The following PTPN23 variants were observed in gnomAD, a reference collection of about 807,000 sequenced individuals.
PTPN23 encodes the protein protein tyrosine phosphatase non-receptor type 23, also known as tyrosine-protein phosphatase non-receptor type 23.
A neutral mutation model predicts 156.3 loss-of-function variants in PTPN23; 72 were observed. The observed-to-expected ratio is 0.46, with a 90% CI of 0.38 to 0.56. The LOEUF is 0.56. PTPN23 is among the 20% of genes least tolerant of loss of function. The pLI, the probability that PTPN23 is intolerant of heterozygous loss-of-function variation, is 0.00. For synonymous variants in PTPN23, 957 were observed against 899.6 expected (o/e 1.06, Z -1.14); for missense variants, 1,974 against 2,171.5 (o/e 0.91, Z 1.81).
intron 14 of PTPN23, 135 bp from the exon 15 acceptor site, chr3:47,408,210 G>T (rs760387003): frequency 2.5e-5 from 32 of 1,260,110 alleles, no homozygotes; most frequent in Non-Finnish European, 3.4e-5. Context: ...AGACCTGGTA[G>T]TAGGGGTCCG....
Position 47,389,279 on chromosome 3 carries a change from C to T in PTPN23, c.85-6864C>T, listed in dbSNP as rs574289711. 8.5e-5 allele frequency among the ~76,000 whole-genome samples: 13 copies of T among 152,292 alleles called. No individual in the cohort carries two copies. The South Asian group carries it at 2.5e-3, about 29-fold the overall frequency. ...ATCCTTATGACAGCTCTGAGCTAGA[C>T]GTAGCAAGTGATATTAACCCCATTT... On this transcript the variant is annotated intron_variant, in intron 1 of 24. Transcript: ENST00000265562.
Position 47,410,010 on chromosome 3 carries a change from G to A in PTPN23, c.2212G>A (p.Ala738Thr), listed in dbSNP as rs749891455. 1.9e-6 allele frequency: 3 copies of A among 1,607,596 alleles called. No individual in the cohort carries two copies. The South Asian group carries it at 3.3e-5, about 18-fold the overall frequency. ...PRREESEAVE[A>T]GDPPEELRSL... ...CAGGGAGGAGAGTGAGGCAGTGGAA[G>A]CAGGAGACCCCCCTGAGGAGCTGCG... Residue 738 changes from alanine (A) to threonine (T), a missense_variant, in exon 20 of 25, where the codon GCA (alanine) becomes ACA (threonine). Physicochemically the swap from Ala to Thr is moderately conservative, Grantham distance 58. Around this residue, in one of 4 missense-constraint regions of PTPN23, gnomAD observed 731 missense variants for 669.1 expected, o/e 1.09. Transcript: ENST00000265562.
At chr3:47,382,533 C>G (rs1427864043) in intron 1 of PTPN23, among the ~76,000 whole-genome samples, 1 of 151,832 alleles carries the variant, frequency 6.6e-6, no homozygotes, top group Non-Finnish European at 1.5e-5. Context: ...GTTGGTCAGA[C>G]TGGTCTCGAA....
Position 47,412,932 on chromosome 3 carries a change from C to T in PTPN23, c.4658C>T (p.Pro1553Leu). Residue 1553 changes from proline (P) to leucine (L), a missense_variant, in exon 25 of 25, where the codon CCT becomes CTT. By Grantham distance (98) the Pro-to-Leu change is moderately conservative (BLOSUM62 -3). Transcript: ENST00000265562. Reference sequence around the variant, plus strand: ...CCGCCCCCCCTTTCCTCCCCACTACCTGAGGCTCCCCAGCCTAAGGAGGAG... The same window carrying T: ...CCGCCCCCCCTTTCCTCCCCACTACTTGAGGCTCCCCAGCCTAAGGAGGAG... The part of the protein sequence containing the change: ...SSPPPLSSPL[P>L]EAPQPKEEPP... 6.2e-7 allele frequency: 1 copy of T among 1,604,604 alleles called. No individual in the cohort carries two copies. The highest frequency in any genetic ancestry group is 2.2e-5 in the East Asian group (1 of 44,474).
intron 1 of PTPN23, among the ~76,000 whole-genome samples, chr3:47,385,640 G>A (rs1304171809): frequency 6.6e-6 from 1 of 152,124 alleles, no homozygotes; most frequent in African/African-American, 2.4e-5. Context: ...TCACACCACT[G>A]TACTCTAGTC....
chr3:47,413,278 C>T lies in PTPN23; in HGVS notation c.*93C>T. The T allele has an allele frequency of 2.7e-6, 4 of 1,491,838 alleles. No homozygotes were observed. In the South Asian group the frequency reaches 3.9e-5, roughly 15 times the overall value. 92.4% of individuals were successfully genotyped at this position (1,491,838 alleles called of 1,614,324 possible). A position where few individuals can be genotyped will look rare whatever the true frequency, so the allele number is the denominator to read the frequency against. ...CAGAGCTTCTCAGTGGGCACAGTCT[C>T]TTACTCCCATTTCTGCTGCCTTTGG... On this transcript the variant is annotated 3_prime_UTR_variant, in exon 25 of 25. Coordinates refer to ENST00000265562, the MANE Select transcript of PTPN23 (RefSeq NM_015466.4).
intron 15 of PTPN23, 137 bp downstream of exon 15, chr3:47,408,627 G>A: frequency 7.1e-7 from 1 of 1,417,896 alleles, no homozygotes; most frequent in African/African-American, 1.4e-5. Context: ...CCACTCCTCT[G>A]AATCAGCATA....
Position 47,411,496 on chromosome 3 carries a change from G to A in PTPN23, c.3698G>A (p.Arg1233His), listed in dbSNP as rs147067954. The A allele has an allele frequency of 6.8e-6, 11 of 1,613,086 alleles. No individual in the cohort carries two copies. The highest frequency in any genetic ancestry group is 1.3e-5 in the African/African-American group (1 of 75,044). The part of the protein sequence containing the change: ...HQDVMPYDSN[R>H]VVLRSGKDDY... ...GATGTCATGCCCTATGACAGTAACCGTGTGGTGCTGCGCTCAGGCAAGGAT... is the reference window on the plus strand; with the variant it reads ...GATGTCATGCCCTATGACAGTAACCATGTGGTGCTGCGCTCAGGCAAGGAT... Residue 1233 changes from arginine to histidine, a missense_variant, in exon 20 of 25, where the codon CGT (arginine) becomes CAT (histidine). Physicochemically the swap from Arg to His is conservative, Grantham distance 29. This residue lies in a region of PTPN23 where 33 missense variants were observed against 56.9 expected (regional missense o/e 0.58). Coordinates refer to ENST00000265562, the MANE Select transcript of PTPN23 (RefSeq NM_015466.4). This position sits in a 1 kb window ranked among gnomAD's most constrained non-coding sequence, Gnocchi z 6.3.
rs1265071586 is a variant in PTPN23, at chr3:47,407,748, C to G, written c.1055C>G (p.Thr352Arg). 2 of 1,614,154 alleles carry G rather than the reference C, an allele frequency of 1.2e-6. No homozygotes were observed. The highest frequency in any genetic ancestry group is 2.2e-5 in the East Asian group (1 of 44,872). The change falls in exon 13 of 25, where the codon ACA becomes AGA. Residue 352 changes from threonine to arginine, a missense_variant. Physicochemically the swap from Thr to Arg is moderately conservative, Grantham distance 71. This residue lies in a region of PTPN23 where 726 missense variants were observed against 929.5 expected (regional missense o/e 0.78). Transcript: ENST00000265562. The surrounding 1 kb of genome is among the most constrained non-coding windows in gnomAD (Gnocchi z 4.0). Reference sequence around the variant, plus strand: ...GTGAACCCCACAGACCCAGCTGTTACAGGCCCTGACATCTTTGCCAAACTG... The same window carrying G: ...GTGAACCCCACAGACCCAGCTGTTAGAGGCCCTGACATCTTTGCCAAACTG... Reference protein sequence around the residue: ...LPVNPTDPAVTGPDIFAKLVP... With the variant: ...LPVNPTDPAVRGPDIFAKLVP...
chr3:47,402,994 C>T (rs1705029234), intron 2 of PTPN23, among the ~76,000 whole-genome samples: 1 of 152,156 alleles, frequency 6.6e-6, no homozygotes, highest in Non-Finnish European at 1.5e-5. Context: ...GCGTGAGCCA[C>T]CTTGCCTGGC....
At chr3:47,402,746 C>T (rs913694378) in intron 2 of PTPN23, among the ~76,000 whole-genome samples, 1 of 151,986 alleles carries the variant, frequency 6.6e-6, no homozygotes. Context: ...TCTCTTGTTG[C>T]CCAGCCTGGA....
At chr3:47,396,086 CAG>C in intron 1 of PTPN23, 55 bp from the exon 2 acceptor site, 1 of 1,438,800 alleles carries the variant, frequency 7.0e-7, no homozygotes, top group Non-Finnish European at 9.7e-7. Context: ...GCCCAGGACT[CAG>C]AGGGCAAGGC....
chr3:47,391,610 G>A (rs933836400), intron 1 of PTPN23, among the ~76,000 whole-genome samples: 1 of 152,190 alleles, frequency 6.6e-6, no homozygotes, highest in Non-Finnish European at 1.5e-5. Context: ...TGATTTGCTA[G>A]GGGTGGGAGC....
Position 47,413,183 on chromosome 3 carries a change from T to C in PTPN23, c.4909T>C (p.Ter1637ArgextTer77), listed in dbSNP as rs1219972391. ...LDPLWTLNKT[*>R] ...TCCACTCTGGACACTCAACAAGACC[T>C]GAACAGGTTTTGCCTACCTGGTCCT... Residue 1637 changes from the stop codon to arginine, a stop_lost, in exon 25 of 25, where the codon TGA becomes CGA. Transcript: ENST00000265562. 1.2e-6 allele frequency: 2 copies of C among 1,607,610 alleles called. No homozygotes were observed. Among genetic ancestry groups the C allele is most frequent in the Non-Finnish European group, 1.7e-6 (2 of 1,176,774 alleles).
At chr3:47,381,631 CA>C (rs1704541307) in intron 1 of PTPN23, among the ~76,000 whole-genome samples, 1 of 152,164 alleles carries the variant, frequency 6.6e-6, no homozygotes, top group African/African-American at 2.4e-5. Context: ...GGGGATGGCT[CA>C]GGGGCGTGTG....
rs566762838 is a variant in PTPN23, at chr3:47,412,854, C to T, written c.4580C>T (p.Pro1527Leu). 116 of 1,613,400 alleles carry T rather than the reference C, an allele frequency of 7.2e-5. No individual in the cohort carries two copies. In the East Asian group the frequency reaches 2.5e-3, roughly 34 times the overall value. The change falls in exon 25 of 25, where the codon CCA becomes CTA. Residue 1527 changes from proline to leucine, a missense_variant. Physicochemically the swap from Pro to Leu is moderately conservative, Grantham distance 98. Coordinates refer to ENST00000265562, the MANE Select transcript of PTPN23 (RefSeq NM_015466.4). Reference sequence around the variant, plus strand: ...AGCTTGCCAGGCCCTGCAGAGCCCCCAGGCCTCCCGCCAGCCAGCCTCCCA... The same window carrying T: ...AGCTTGCCAGGCCCTGCAGAGCCCCTAGGCCTCCCGCCAGCCAGCCTCCCA... The part of the protein sequence containing the change: ...VASLPGPAEP[P>L]GLPPASLPES...
chr3:47,404,186 G>T (rs1304978016), intron 2 of PTPN23, among the ~76,000 whole-genome samples: 1 of 152,218 alleles, frequency 6.6e-6, no homozygotes, highest in Non-Finnish European at 1.5e-5. Flanking sequence ...TGTAATCCCA[G>T]CACTTTGAGA....
intron 14 of PTPN23, 131 bp from the exon 15 acceptor site, chr3:47,408,214 G>T (rs1348205765): frequency 1.6e-6 from 2 of 1,282,904 alleles, no homozygotes; most frequent in Non-Finnish European, 1.1e-6. Context: ...CTGGTAGTAG[G>T]GGTCCGAGGT....
rs751996665 is a variant in PTPN23 at position 47,404,762 on chromosome 3, C to T, written c.270C>T (p.Ala90=). 1.2e-5 allele frequency: 19 copies of T among 1,613,618 alleles called. No individual in the cohort carries two copies. Among genetic ancestry groups the T allele is most frequent in the South Asian group, 9.9e-5 (9 of 91,078 alleles). The change falls in exon 3 of 25, where the codon GCC becomes GCT. Residue 90 remains alanine, a synonymous_variant. Transcript: ENST00000265562. ...TCCCCATGGGCTCGGGCCAGGAGGC[C>T]GCTGTCCCTGTCACCTGGTGAGAGC... ...SRVPMGSGQE[A]AVPVTWTEIF... is the part of the protein sequence containing the mutation.
Sources: allele counts gnomAD v4.1 joint callset (sites outside exome capture counted in the v4.1 genomes callset), GRCh38; gene constraint gnomAD v4.1.1; regional missense constraint gnomAD v4.1.1; non-coding constraint Gnocchi (gnomAD v3.1); transcripts MANE v1.5; gene names NCBI Gene and HGNC (gene_info 2026-07-23, HGNC 2026-07-21).